Variants in MAGI3 observed in about 807,000 individuals in gnomAD.
MAGI3 encodes membrane associated guanylate kinase, WW and PDZ domain containing 3, also known as membrane-associated guanylate kinase, WW and PDZ domain-containing protein 3.
In MAGI3, 43 loss-of-function variants were observed where a neutral mutation model predicts 121.8. The ratio of observed to expected loss-of-function variants is 0.35; its 90% confidence interval spans 0.28 to 0.46. The LOEUF (loss-of-function observed/expected upper bound fraction) is 0.46, where lower values mean the gene tolerates loss of function less well. MAGI3 is among the 20% of genes least tolerant of loss of function. The pLI is 1.00. For missense variants in MAGI3, 1,547 were observed against 1,797.3 expected (o/e 0.86, Z 2.52); for synonymous variants, 553 against 639.3 (o/e 0.86, Z 2.04).
intron 9 of MAGI3, among the ~76,000 whole-genome samples, chr1:113,632,023 C>G (rs1178432061): frequency 6.6e-6 from 1 of 152,128 alleles, no homozygotes; most frequent in Non-Finnish European, 1.5e-5. Flanking sequence ...CTTTTCTAAT[C>G]CTCTGTTATT....
intron 1 of MAGI3, among the ~76,000 whole-genome samples, chr1:113,451,571 A>T (rs1420173617): frequency 1.3e-5 from 2 of 152,152 alleles, no homozygotes; most frequent in African/African-American, 4.8e-5. Flanking sequence ...TTGCTGGAAC[A>T]ATGTTATTTT....
At chr1:113,477,172 C>T (rs1226738880) in intron 1 of MAGI3, among the ~76,000 whole-genome samples, 1 of 152,042 alleles carries the variant, frequency 6.6e-6, no homozygotes, top group Non-Finnish European at 1.5e-5. Context: ...GGTCTTGACT[C>T]TTTATCGAAT....
At chr1:113,513,707 C>A (rs373433271) in intron 1 of MAGI3, among the ~76,000 whole-genome samples, 4 of 151,878 alleles carry the variant, frequency 2.6e-5, no homozygotes, top group East Asian at 3.9e-4. Context: ...CATTCAGGAC[C>A]TAGGCATGGG....
chr1:113,509,506 A>G (rs1243565303), intron 1 of MAGI3, among the ~76,000 whole-genome samples: 1 of 134,676 alleles, frequency 7.4e-6, no homozygotes, highest in Non-Finnish European at 1.6e-5. Context: ...TAGAAATTAG[A>G]GTTTACACAA....
At chr1:113,602,452 T>C (rs1649465010) in intron 6 of MAGI3, among the ~76,000 whole-genome samples, 1 of 152,176 alleles carries the variant, frequency 6.6e-6, no homozygotes, top group Admixed American at 6.6e-5. Flanking sequence ...AAACCTGAGA[T>C]ACAGCAAAGC....
At chr1:113,639,056 C>T (rs1055787820) in intron 9 of MAGI3, among the ~76,000 whole-genome samples, 1 of 152,094 alleles carries the variant, frequency 6.6e-6, no homozygotes, top group East Asian at 1.9e-4. Context: ...CATATAATCT[C>T]CTGGTGCGCC....
At chr1:113,525,953 G>T (rs554547742) in intron 1 of MAGI3, among the ~76,000 whole-genome samples, 1 of 152,222 alleles carries the variant, frequency 6.6e-6, no homozygotes, top group African/African-American at 2.4e-5. Context: ...AGTGAGCCAA[G>T]ATTGCACCAC....
intron 1 of MAGI3, chr1:113,450,491 G>C: frequency 9.4e-7 from 1 of 1,061,142 alleles, no homozygotes; most frequent in African/African-American, 1.5e-5. Context: ...TGGAAACCAA[G>C]GTGGTGGATA....
intron 15 of MAGI3, among the ~76,000 whole-genome samples, chr1:113,657,404 C>A (rs1342576309): frequency 2.0e-5 from 3 of 152,220 alleles, no homozygotes; most frequent in Non-Finnish European, 4.4e-5. Flanking sequence ...CTCACCCAGA[C>A]AACCAGCCCT....
Position 113,503,219 on chromosome 1 carries a change from T to TA in MAGI3, c.317-46258dup, listed in dbSNP as rs869272201. 4.3e-3 allele frequency among the ~76,000 whole-genome samples: 39 copies of TA among 8,986 alleles called. 1 individual carries two copies. The highest frequency in any genetic ancestry group is 6.3e-3 in the African/African-American group (7 of 1,112). 5.9% of individuals were successfully genotyped at this position (8,986 alleles called of 152,430 possible). ...TGTACCCTAAAACTTAGAGTATAAT[T>TA]AAAAAAAAAAAAAAAAAAAAAAAAA... On this transcript the variant is annotated intron_variant, in intron 1 of 20. Coordinates refer to ENST00000307546, the MANE Select transcript of MAGI3 (RefSeq NM_001142782.2).
At chr1:113,477,577 G>C (rs1057152979) in intron 1 of MAGI3, among the ~76,000 whole-genome samples, 2 of 152,124 alleles carry the variant, frequency 1.3e-5, no homozygotes, top group Admixed American at 6.6e-5. Context: ...TGGCTTGTAG[G>C]GTTTCTGCTG....
At chr1:113,436,954 A>G (rs1396666595) in intron 1 of MAGI3, among the ~76,000 whole-genome samples, 1 of 151,620 alleles carries the variant, frequency 6.6e-6, no homozygotes, top group South Asian at 2.1e-4. Flanking sequence ...AGCTGGGACT[A>G]CAGGCGTGTG....
chr1:113,461,153 T>C (rs1655013392), intron 1 of MAGI3, among the ~76,000 whole-genome samples: 1 of 152,158 alleles, frequency 6.6e-6, no homozygotes, highest in Non-Finnish European at 1.5e-5. Flanking sequence ...AATGGCTATA[T>C]TGCCTAAAGC....
intron 5 of MAGI3, among the ~76,000 whole-genome samples, chr1:113,591,191 TATA>T (rs1019155797): frequency 7.9e-5 from 12 of 152,076 alleles, no homozygotes; most frequent in Admixed American, 1.3e-4. Flanking sequence ...GCACTATTAA[TATA>T]ATATTTATAG....
chr1:113,668,077 C>T (rs1452023268), intron 16 of MAGI3, among the ~76,000 whole-genome samples: 1 of 151,922 alleles, frequency 6.6e-6, no homozygotes. Flanking sequence ...GATCACTGAC[C>T]ACAGATCACC....
Position 113,391,169 on chromosome 1 carries a change from G to C in MAGI3, c.136G>C (p.Gly46Arg). ...GAERGEFPYLGRLREEPGGGT... is the reference protein window; with the variant it reads ...GAERGEFPYLRRLREEPGGGT... ...GGAGCGTGGCGAGTTCCCCTACCTG[G>C]GGCGGCTCCGCGAGGAGCCCGGCGG... Residue 46 changes from glycine to arginine, a missense_variant, in exon 1 of 21, where the codon GGG becomes CGG. By Grantham distance (125) the Gly-to-Arg change is moderately radical (BLOSUM62 -2). Transcript: ENST00000307546. This position sits in a 1 kb window ranked among gnomAD's most constrained non-coding sequence, Gnocchi z 4.4. The C allele has an allele frequency of 6.4e-7, 1 of 1,555,052 alleles. No homozygotes were observed. Among genetic ancestry groups the C allele is most frequent in the South Asian group, 1.2e-5 (1 of 84,502 alleles).
intron 3 of MAGI3, among the ~76,000 whole-genome samples, chr1:113,583,188 C>T (rs1648140401): frequency 6.6e-6 from 1 of 151,554 alleles, no homozygotes; most frequent in Non-Finnish European, 1.5e-5. Context: ...GGTACATGTG[C>T]ACAACATGCA....
At chr1:113,432,109 C>CTATA (rs1039834911) in intron 1 of MAGI3, among the ~76,000 whole-genome samples, 2 of 152,144 alleles carry the variant, frequency 1.3e-5, no homozygotes, top group Admixed American at 1.3e-4. Flanking sequence ...AAACTGTTCA[C>CTATA]TATATATTGC....
rs545430528 is a variant in MAGI3, at chr1:113,472,876, A to G, written c.317-76639A>G. 3.3e-5 allele frequency among the ~76,000 whole-genome samples: 5 copies of G among 152,322 alleles called. No individual in the cohort carries two copies. The East Asian group carries it at 9.6e-4, about 29-fold the overall frequency. On this transcript the variant is annotated intron_variant, in intron 1 of 20. Coordinates refer to ENST00000307546, the MANE Select transcript of MAGI3 (RefSeq NM_001142782.2). The stretch of plus-strand genomic sequence containing the variant: ...TTAACTTTTGCTCCCACCACATTTT[A>G]TGTAATTGATGTCACAGTTTACATC...
Sources: allele counts gnomAD v4.1 joint callset (sites outside exome capture counted in the v4.1 genomes callset), GRCh38; gene constraint gnomAD v4.1.1; non-coding constraint Gnocchi (gnomAD v3.1); transcripts MANE v1.5; gene names NCBI Gene and HGNC (gene_info 2026-07-23, HGNC 2026-07-21).